WDR70: variants seen among roughly 807,000 people sequenced by gnomAD.
WDR70 encodes WD repeat domain 70.
In WDR70, 53 loss-of-function variants were observed where a neutral mutation model predicts 88.6. That is an observed-to-expected ratio of 0.60 (90% CI 0.48 to 0.75). The LOEUF is 0.75. Ranked by LOEUF, WDR70 falls within the 30% of genes least tolerant of loss-of-function variation. The pLI is 0.00. For missense variants in WDR70, 610 were observed against 823.2 expected (o/e 0.74, Z 3.17); for synonymous variants, 280 against 270.0 (o/e 1.04, Z -0.36).
At chr5:37,520,325 G>A (rs1055366041) in intron 9 of WDR70, among the ~76,000 whole-genome samples, 2 of 151,838 alleles carry the variant, frequency 1.3e-5, no homozygotes, top group Non-Finnish European at 2.9e-5. Flanking sequence ...CTTTCATAGA[G>A]GAATTTAAAA....
At chr5:37,391,504 A>G (rs902105517) in intron 3 of WDR70, among the ~76,000 whole-genome samples, 2 of 152,212 alleles carry the variant, frequency 1.3e-5, no homozygotes, top group Non-Finnish European at 2.9e-5. Flanking sequence ...GTGGCATTAT[A>G]CAATATTCGT....
chr5:37,487,619 ATATATG>A (rs1180328920), intron 8 of WDR70, among the ~76,000 whole-genome samples: 34 of 93,506 alleles, frequency 3.6e-4, no homozygotes, highest in African/African-American at 9.9e-4. Flanking sequence ...ATATATATAT[ATATATG>A]TATTTTTTTT....
chr5:37,734,844 T>C (rs1187687582), intron 17 of WDR70, among the ~76,000 whole-genome samples: 1 of 152,152 alleles, frequency 6.6e-6, no homozygotes, highest in Non-Finnish European at 1.5e-5. Flanking sequence ...GATCTATGAA[T>C]GGGATGAATT....
intron 8 of WDR70, among the ~76,000 whole-genome samples, chr5:37,512,574 G>C (rs1179981330): frequency 1.3e-5 from 2 of 148,470 alleles, no homozygotes; most frequent in Non-Finnish European, 3.0e-5. Context: ...GCACAGAATT[G>C]CATCTAGAAT....
intron 10 of WDR70, among the ~76,000 whole-genome samples, chr5:37,632,570 T>C (rs565551469): frequency 6.6e-6 from 1 of 152,294 alleles, no homozygotes; most frequent in Non-Finnish European, 1.5e-5. Flanking sequence ...CAAAAAAGTT[T>C]TAAAAGTTAA....
intron 8 of WDR70, among the ~76,000 whole-genome samples, chr5:37,503,862 C>T (rs996301023): frequency 2.6e-5 from 4 of 152,012 alleles, no homozygotes; most frequent in Non-Finnish European, 5.9e-5. Context: ...GTTGTATGCT[C>T]CTAGGAATTC....
Position 37,512,410 on chromosome 5 carries a change from T to A in WDR70, c.841-4104T>A, listed in dbSNP as rs188103502. Among the ~76,000 whole-genome samples the A allele has an allele frequency of 2.3e-3, 351 of 152,042 alleles. 2 individuals are homozygous for A. Among genetic ancestry groups the A allele is most frequent in the African/African-American group, 8.2e-3 (340 of 41,468 alleles). The stretch of plus-strand genomic sequence containing the variant: ...CTAATTTTTGTATTTTTTGTAGAGA[T>A]GGGGTTTAGCCATCTTGCCTAGGCT... On this transcript the variant is annotated intron_variant, in intron 8 of 17. Transcript: ENST00000265107.
At chr5:37,560,628 T>C (rs201149537) in intron 9 of WDR70, among the ~76,000 whole-genome samples, 2 of 152,216 alleles carry the variant, frequency 1.3e-5, no homozygotes, top group East Asian at 3.8e-4. Context: ...TATTCCAAAT[T>C]ATAAATGAGC....
intron 9 of WDR70, among the ~76,000 whole-genome samples, chr5:37,572,628 C>A (rs1446159676): frequency 6.6e-6 from 1 of 152,044 alleles, no homozygotes; most frequent in Non-Finnish European, 1.5e-5. Context: ...CCACTTGCAC[C>A]AGTTCTGTAG....
intron 10 of WDR70, among the ~76,000 whole-genome samples, chr5:37,632,351 A>G (rs1400747248): frequency 6.6e-6 from 1 of 152,208 alleles, no homozygotes; most frequent in Non-Finnish European, 1.5e-5. Context: ...CTTATTTAAA[A>G]AAGCAGTTGA....
chr5:37,676,450 T>C (rs1746212826), intron 10 of WDR70, among the ~76,000 whole-genome samples: 1 of 152,140 alleles, frequency 6.6e-6, no homozygotes, highest in Admixed American at 6.5e-5. Context: ...ATGAAGGGTG[T>C]TGAATTTTGT....
At chr5:37,557,906 CTT>C (rs1742341655) in intron 9 of WDR70, among the ~76,000 whole-genome samples, 2 of 131,646 alleles carry the variant, frequency 1.5e-5, no homozygotes, top group South Asian at 4.7e-4. Context: ...GATTTATACT[CTT>C]TTGAAAACTC....
At chr5:37,598,155 A>G (rs1467509371) in intron 9 of WDR70, among the ~76,000 whole-genome samples, 4 of 152,220 alleles carry the variant, frequency 2.6e-5, no homozygotes, top group Non-Finnish European at 5.9e-5. Context: ...TCCCAAAAAT[A>G]ATAAGTACAA....
intron 9 of WDR70, among the ~76,000 whole-genome samples, chr5:37,534,499 CTTT>C (rs369030841): frequency 7.5e-6 from 1 of 133,184 alleles, no homozygotes; most frequent in African/African-American, 2.9e-5. Context: ...ACAAATCAGG[CTTT>C]TTTTTTTTTT....
intron 10 of WDR70, among the ~76,000 whole-genome samples, chr5:37,637,295 C>A (rs1243922088): frequency 6.6e-6 from 1 of 150,944 alleles, no homozygotes; most frequent in East Asian, 1.9e-4. Context: ...GAGCCAAGAT[C>A]GCCTGGGCTA....
rs558886453 is a variant in WDR70 at position 37,684,297 on chromosome 5, A to G, written c.1093-13358A>G. Among the ~76,000 whole-genome samples, 3 of 152,104 alleles carry G rather than the reference A, an allele frequency of 2.0e-5. 1 individual carries two copies. In the South Asian group the frequency reaches 6.3e-4, roughly 32 times the overall value. On this transcript the variant is annotated intron_variant, in intron 10 of 17. Coordinates refer to ENST00000265107, the MANE Select transcript of WDR70 (RefSeq NM_018034.4). ...CTATATTCTGAATTCTATTTCTGTC[A>G]TTTCAGCCGTCTCAGCCTGGTTCAG...
intron 17 of WDR70, among the ~76,000 whole-genome samples, chr5:37,730,719 TTATG>T (rs1408401015): frequency 1.3e-5 from 2 of 152,158 alleles, no homozygotes; most frequent in African/African-American, 4.8e-5. Flanking sequence ...CTTGATGTCT[TTATG>T]TATTCCTAAA....
Position 37,480,611 on chromosome 5 carries a change from G to A in WDR70, c.840+624G>A, listed in dbSNP as rs377100458. Among the ~76,000 whole-genome samples the A allele has an allele frequency of 1.6e-3, 239 of 152,242 alleles. 2 individuals carry two copies. The highest frequency in any genetic ancestry group is 5.6e-3 in the African/African-American group (231 of 41,544). ...TCACTACCATGAGAACAGCATGGGG[G>A]AAACTGCCTCCATGATTCAATTATC... On this transcript the variant is annotated intron_variant, in intron 8 of 17. Transcript: ENST00000265107.
chr5:37,662,390 GA>G (rs1277267815), intron 10 of WDR70, among the ~76,000 whole-genome samples: 5 of 151,968 alleles, frequency 3.3e-5, no homozygotes, highest in Non-Finnish European at 7.4e-5. Context: ...TTCAACTTAA[GA>G]AAGACTGATT....
Sources: allele counts gnomAD v4.1 joint callset (sites outside exome capture counted in the v4.1 genomes callset), GRCh38; gene constraint gnomAD v4.1.1; transcripts MANE v1.5; gene names NCBI Gene and HGNC (gene_info 2026-07-23, HGNC 2026-07-21).